The following WNT2 variants were observed in gnomAD, a reference collection of about 807,000 sequenced individuals.
The protein encoded by WNT2 is protein Wnt-2.
Under a neutral mutation model 36.9 loss-of-function variants are expected in WNT2, and 12 were observed. That is an observed-to-expected ratio of 0.33 (90% CI 0.21 to 0.53). The LOEUF (loss-of-function observed/expected upper bound fraction) is 0.53, where lower values mean the gene tolerates loss of function less well. Among genes scored for constraint, WNT2 ranks in the 20% least tolerant of loss-of-function variants. The pLI, the probability that WNT2 is intolerant of heterozygous loss-of-function variation, is 0.95. For missense variants in WNT2, 379 were observed against 473.1 expected (o/e 0.80, Z 1.84); for synonymous variants, 163 against 174.6 (o/e 0.93, Z 0.52).
At chr7:117,315,460 C>A in intron 2 of WNT2, 112 bp from the exon 3 acceptor site, 1 of 1,101,558 alleles carries the variant, frequency 9.1e-7, no homozygotes, top group Non-Finnish European at 1.3e-6. Context: ...TGCCACTAGA[C>A]AACAAGGTAC....
intron 4 of WNT2, among the ~76,000 whole-genome samples, chr7:117,295,263 A>G (rs1173379807): frequency 1.3e-5 from 2 of 152,228 alleles, no homozygotes; most frequent in African/African-American, 2.4e-5. Flanking sequence ...GTGTCCTCCC[A>G]TAAAATGGGA....
intron 2 of WNT2, among the ~76,000 whole-genome samples, chr7:117,316,729 A>G (rs1242720330): frequency 6.6e-6 from 1 of 152,192 alleles, no homozygotes; most frequent in Non-Finnish European, 1.5e-5. Flanking sequence ...ACCTCTAACC[A>G]TCAAAAAAGG....
At chr7:117,303,305 G>T (rs1167515689) in intron 3 of WNT2, among the ~76,000 whole-genome samples, 1 of 152,130 alleles carries the variant, frequency 6.6e-6, no homozygotes, top group Non-Finnish European at 1.5e-5. Flanking sequence ...TCTAAGAACG[G>T]GGAAATCGTT....
In WNT2 at chr7:117,278,274, T is replaced by C. The variant is rs1163201781; in HGVS notation, c.964A>G (p.Thr322Ala). ...GYDTSHVTRM[T>A]KCGCKFHWCC... ...CAGTGGAACTTACACCCACACTTGGTCATCCGGGTGACATGGGAGGTGTCG... is the reference window on the plus strand; with the variant it reads ...CAGTGGAACTTACACCCACACTTGGCCATCCGGGTGACATGGGAGGTGTCG... Residue 322 changes from threonine (T) to alanine (A), a missense_variant, in exon 5 of 5, where the codon ACC becomes GCC. Coordinates refer to ENST00000265441, the MANE Select transcript of WNT2 (RefSeq NM_003391.3). The C allele has an allele frequency of 6.2e-7, 1 of 1,614,206 alleles. No individual in the cohort carries two copies. The highest frequency in any genetic ancestry group is 2.2e-5 in the East Asian group (1 of 44,874).
chr7:117,299,736 T>C (rs2116359958), intron 3 of WNT2, among the ~76,000 whole-genome samples: 1 of 152,262 alleles, frequency 6.6e-6, no homozygotes, highest in African/African-American at 2.4e-5. Flanking sequence ...GTTCAGGTAA[T>C]CTTCCCATCT....
In WNT2 at chr7:117,322,792, C is replaced by A; in HGVS notation, c.83+115G>T. The A allele has an allele frequency of 3.8e-6, 4 of 1,041,588 alleles. No homozygotes were observed. Among genetic ancestry groups the A allele is most frequent in the Non-Finnish European group, 5.8e-6 (4 of 683,878 alleles). 64.5% of individuals were successfully genotyped at this position (1,041,588 alleles called of 1,614,324 possible). ...AAGAGGGCAGTAGCCAGGGTTCGGGCCAGAATCCGAGACTGCTGCGGCCGC... is the reference window on the plus strand; with the variant it reads ...AAGAGGGCAGTAGCCAGGGTTCGGGACAGAATCCGAGACTGCTGCGGCCGC... On this transcript the variant is annotated intron_variant, in intron 1 of 4. Transcript: ENST00000265441. The surrounding 1 kb of genome is among the most constrained non-coding windows in gnomAD (Gnocchi z 5.4).
chr7:117,300,512 C>T (rs1035980130), intron 3 of WNT2, among the ~76,000 whole-genome samples: 9 of 152,022 alleles, frequency 5.9e-5, no homozygotes, highest in Non-Finnish European at 7.4e-5. Context: ...AAAAGAGACA[C>T]GTGAGGTGGG....
At chr7:117,320,918 AT>A in intron 1 of WNT2, 125 bp from the exon 2 acceptor site, 1 of 847,324 alleles carries the variant, frequency 1.2e-6, no homozygotes, top group Non-Finnish European at 1.8e-6. Flanking sequence ...TTCTGGTGAT[AT>A]TAGAAAGCAA....
intron 3 of WNT2, among the ~76,000 whole-genome samples, chr7:117,308,326 T>C (rs1032617840): frequency 1.3e-5 from 2 of 152,240 alleles, no homozygotes; most frequent in South Asian, 4.1e-4. Flanking sequence ...GTGTGGAATT[T>C]ACATTTGTGG....
At chr7:117,299,149 A>G (rs1229269799) in intron 3 of WNT2, among the ~76,000 whole-genome samples, 1 of 152,210 alleles carries the variant, frequency 6.6e-6, no homozygotes, top group Non-Finnish European at 1.5e-5. Context: ...TCGGAATTAC[A>G]CTGCCCCATG....
intron 3 of WNT2, among the ~76,000 whole-genome samples, chr7:117,306,383 ACT>A (rs748871243): frequency 1.3e-5 from 2 of 152,288 alleles, no homozygotes; most frequent in Admixed American, 6.5e-5. Context: ...TGCTTTTGAT[ACT>A]ATGTGCAAGC....
chr7:117,279,959 C>T (rs979537273), intron 4 of WNT2, among the ~76,000 whole-genome samples: 18 of 152,030 alleles, frequency 1.2e-4, no homozygotes, highest in African/African-American at 3.1e-4. Flanking sequence ...TATCACAGTC[C>T]GCTCTGTGTT....
chr7:117,288,235 T>C (rs1794621820), intron 4 of WNT2, among the ~76,000 whole-genome samples: 1 of 152,238 alleles, frequency 6.6e-6, no homozygotes, highest in Non-Finnish European at 1.5e-5. Flanking sequence ...GTTCTGTTAT[T>C]GCAAACTTAA....
At chr7:117,279,224 A>C (rs1794437791) in intron 4 of WNT2, among the ~76,000 whole-genome samples, 1 of 152,236 alleles carries the variant, frequency 6.6e-6, no homozygotes, top group Non-Finnish European at 1.5e-5. Context: ...CATTTACTCT[A>C]TTCTTGGGGA....
rs530104305 is a variant in WNT2, at chr7:117,321,325, G to A, written c.84-532C>T. On this transcript the variant is annotated intron_variant, in intron 1 of 4. Coordinates refer to ENST00000265441, the MANE Select transcript of WNT2 (RefSeq NM_003391.3). ...GATGTTACACTCTCCTCACAGACAG[G>A]CTGTTCTTTCCTTACTGAAGAGCCT... Among the ~76,000 whole-genome samples the A allele has an allele frequency of 3.3e-5, 5 of 152,294 alleles. No individual in the cohort carries two copies. The South Asian group carries it at 1.0e-3, about 32-fold the overall frequency.
At chr7:117,295,826 A>G (rs182939455) in intron 4 of WNT2, among the ~76,000 whole-genome samples, 4 of 152,266 alleles carry the variant, frequency 2.6e-5, no homozygotes, top group Non-Finnish European at 5.9e-5. Context: ...GGAGAAGGTG[A>G]TATCTAGGGT....
intron 4 of WNT2, among the ~76,000 whole-genome samples, chr7:117,289,051 C>CTTTTTT (rs1187027317): frequency 2.2e-5 from 2 of 89,440 alleles, no homozygotes; most frequent in African/African-American, 4.8e-5. Context: ...TCACGTTAGA[C>CTTTTTT]TTTTTTTTTT....
Position 117,297,594 on chromosome 7 carries a change from A to G in WNT2, c.853+18T>C. 6.3e-7 allele frequency: 1 copy of G among 1,597,744 alleles called. No homozygotes were observed. Among genetic ancestry groups the G allele is most frequent in the Non-Finnish European group, 8.6e-7 (1 of 1,166,986 alleles). ...GTTGAAAGAATTAGGTACTATAAAG[A>G]AAGTCTTTTGAACTTACCTGCCTCT... On this transcript the variant is annotated intron_variant, in intron 4 of 4. Coordinates refer to ENST00000265441, the MANE Select transcript of WNT2 (RefSeq NM_003391.3).
At chr7:117,280,243 C>G (rs1450964249) in intron 4 of WNT2, among the ~76,000 whole-genome samples, 1 of 152,164 alleles carries the variant, frequency 6.6e-6, no homozygotes, top group African/African-American at 2.4e-5. Flanking sequence ...GAGGCAGCAG[C>G]TCAGCTTGGA....
Sources: allele counts gnomAD v4.1 joint callset (sites outside exome capture counted in the v4.1 genomes callset), GRCh38; gene constraint gnomAD v4.1.1; non-coding constraint Gnocchi (gnomAD v3.1); transcripts MANE v1.5; gene names NCBI Gene and HGNC (gene_info 2026-07-23, HGNC 2026-07-21).